The following TARS3 variants were observed in gnomAD, a reference collection of about 807,000 sequenced individuals.
TARS3 encodes the protein threonine--tRNA ligase 2, cytoplasmic.
A neutral mutation model predicts 103.5 loss-of-function variants in TARS3; 94 were observed. The observed-to-expected ratio is 0.91, with a 90% confidence interval of 0.77 to 1.08. The LOEUF (loss-of-function observed/expected upper bound fraction) is 1.08. TARS3 is among the 50% of genes least tolerant of loss of function. TARS3 has a pLI of 0.00. For synonymous variants in TARS3, 416 were observed against 355.4 expected (o/e 1.17, Z -1.92); for missense variants, 952 against 995.2 (o/e 0.96, Z 0.58).
rs202170110 is a variant in TARS3, at chr15:101,701,120, G to C, written c.1286C>G (p.Ala429Gly). 4.6e-5 allele frequency: 74 copies of C among 1,593,342 alleles called. No homozygotes were observed. Among genetic ancestry groups the C allele is most frequent in the Admixed American group, 2.9e-4 (16 of 54,622 alleles). The change falls in exon 10 of 19, where the codon GCC becomes GGC. Residue 429 changes from alanine to glycine, a missense_variant. By Grantham distance (60) the Ala-to-Gly change is moderately conservative (BLOSUM62 0). Around this residue, in one of 2 missense-constraint regions of TARS3, gnomAD observed 540 missense variants for 631.0 expected, o/e 0.86. Transcript: ENST00000335968. ...PGSCFFLPRGAFIYNTLTDFI... is the reference protein window; with the variant it reads ...PGSCFFLPRGGFIYNTLTDFI... ...ATCTGTAAGCGTATTATAAATGAAG[G>C]CTCCTCTGGGAAGGAAAAAACAGCT...
At chr15:101,681,593 G>C (rs1478026484) in intron 12 of TARS3, among the ~76,000 whole-genome samples, 2 of 152,204 alleles carry the variant, frequency 1.3e-5, no homozygotes, top group Non-Finnish European at 2.9e-5. Context: ...GGAAATCCAA[G>C]ATCAATGTGC....
rs577283051 is a variant in TARS3 at position 101,715,654 on chromosome 15, GC to G, written c.567-692del. ...TTGTATAGCTTGCATTTTCTGTCAT[GC>G]CTCAGATTGCCTTCCAAAGCAGTCT... On this transcript the variant is annotated intron_variant, in intron 3 of 18. Coordinates refer to ENST00000335968, the MANE Select transcript of TARS3 (RefSeq NM_152334.3). 2.2e-4 allele frequency among the ~76,000 whole-genome samples: 34 copies of G among 152,296 alleles called. No homozygotes were observed. In the East Asian group the frequency reaches 6.6e-3, roughly 29 times the overall value.
chr15:101,713,295 A>G (rs941078559), intron 4 of TARS3, among the ~76,000 whole-genome samples: 1 of 152,206 alleles, frequency 6.6e-6, no homozygotes, highest in African/African-American at 2.4e-5. Flanking sequence ...GACAAAGCAT[A>G]GCTTGAGAAA....
chr15:101,671,637 C>T (rs774386370), intron 14 of TARS3, 34 bp downstream of exon 14: 4 of 1,611,810 alleles, frequency 2.5e-6, no homozygotes, highest in African/African-American at 2.7e-5. Flanking sequence ...TTTTCTTTTA[C>T]ATTTTGCTGT....
At position 101,715,780 on chromosome 15, in the gene TARS3, C is replaced by T. The variant is rs149403894; in HGVS notation, c.567-817G>A. 5.3e-4 allele frequency among the ~76,000 whole-genome samples: 80 copies of T among 152,274 alleles called. No homozygotes were observed. The East Asian group carries it at 0.014, about 26-fold the overall frequency. On this transcript the variant is annotated intron_variant, in intron 3 of 18. Transcript: ENST00000335968. ...TATCACACAGACATCTGTACACAGG[C>T]ATCTTGCGACTTCTGTGACTGTTTT...
At chr15:101,713,640 G>A (rs1596326613) in intron 4 of TARS3, among the ~76,000 whole-genome samples, 2 of 152,302 alleles carry the variant, frequency 1.3e-5, no homozygotes, top group East Asian at 3.9e-4. Flanking sequence ...AACCTCCAAG[G>A]TTCTGGAATG....
chr15:101,696,730 A>G (rs548797220), intron 10 of TARS3, among the ~76,000 whole-genome samples: 73 of 152,334 alleles, frequency 4.8e-4, no homozygotes, highest in African/African-American at 1.7e-3. Flanking sequence ...GACATGCCTA[A>G]TTATACCCAC....
intron 3 of TARS3, among the ~76,000 whole-genome samples, chr15:101,719,865 C>T (rs184549054): frequency 1.1e-4 from 17 of 152,308 alleles, no homozygotes; most frequent in African/African-American, 3.1e-4. Flanking sequence ...GGTTAGCTTG[C>T]ATTAGAAGCC....
In TARS3 at chr15:101,654,520, AG is replaced by A; in HGVS notation, c.*61del. The A allele has an allele frequency of 6.4e-7, 1 of 1,573,416 alleles. No homozygotes were observed. The highest frequency in any genetic ancestry group is 1.7e-4 in the Middle Eastern group (1 of 5,898). On this transcript the variant is annotated 3_prime_UTR_variant, in exon 19 of 19. Coordinates refer to ENST00000335968, the MANE Select transcript of TARS3 (RefSeq NM_152334.3). ...AAGTCGTAGAAGTACTAACATGTTAAGAAAAATACATTTTTAAGGGTCAAAA... is the reference window on the plus strand; with the variant it reads ...AAGTCGTAGAAGTACTAACATGTTAAAAAAATACATTTTTAAGGGTCAAAA...
At chr15:101,690,911 T>G (rs912877672) in intron 10 of TARS3, among the ~76,000 whole-genome samples, 2 of 152,204 alleles carry the variant, frequency 1.3e-5, no homozygotes, top group Admixed American at 1.3e-4. Context: ...TCCTCACATT[T>G]CCTTCAGCAA....
Position 101,724,142 on chromosome 15 carries a change from C to T in TARS3, c.246G>A (p.Gln82=). Residue 82 remains glutamine, a synonymous_variant, in exon 1 of 19, where the codon CAG becomes CAA. Coordinates refer to ENST00000335968, the MANE Select transcript of TARS3 (RefSeq NM_152334.3). ...CTAGCTCCGCGCTCTCCAGCGTGGC[C>T]TGGCGGCTCCGCTCCTCGGCGAGGC... ...RLCLAEERSR[Q]ATLESAELEA... 6.9e-7 allele frequency: 1 copy of T among 1,449,720 alleles called. No homozygotes were observed. Among genetic ancestry groups the T allele is most frequent in the Non-Finnish European group, 9.1e-7 (1 of 1,101,572 alleles). The allele number at this position is 1,449,720 out of a possible 1,614,324, so 89.8% of individuals were successfully genotyped here. A position where few individuals can be genotyped will look rare whatever the true frequency, so the allele number is the denominator to read the frequency against.
intron 10 of TARS3, among the ~76,000 whole-genome samples, chr15:101,688,020 GT>G (rs1250715692): frequency 6.6e-6 from 1 of 152,064 alleles, no homozygotes; most frequent in Non-Finnish European, 1.5e-5. Context: ...AGGGTACTTT[GT>G]TATAGCAGCA....
intron 18 of TARS3, 52 bp from the exon 19 acceptor site, chr15:101,654,782 CAT>C: frequency 6.4e-7 from 1 of 1,556,482 alleles, no homozygotes; most frequent in Non-Finnish European, 8.8e-7. Flanking sequence ...ATTTACCAAA[CAT>C]TAAGTCAGCA....
At chr15:101,704,508 A>C (rs897123499) in intron 7 of TARS3, among the ~76,000 whole-genome samples, 1 of 151,962 alleles carries the variant, frequency 6.6e-6, no homozygotes, top group African/African-American at 2.4e-5. Context: ...ATAAAAAATT[A>C]GCTGGGCGTG....
intron 4 of TARS3, among the ~76,000 whole-genome samples, chr15:101,713,191 G>T (rs1899949516): frequency 6.6e-6 from 1 of 152,212 alleles, no homozygotes; most frequent in African/African-American, 2.4e-5. Flanking sequence ...TGTTTAAAAG[G>T]AGATGAACAG....
At chr15:101,667,007 G>A (rs1415885484) in intron 15 of TARS3, among the ~76,000 whole-genome samples, 1 of 152,194 alleles carries the variant, frequency 6.6e-6, no homozygotes, top group East Asian at 1.9e-4. Context: ...TCCATGGGCT[G>A]CAGAATGGAT....
intron 10 of TARS3, among the ~76,000 whole-genome samples, chr15:101,698,193 A>G (rs919957843): frequency 1.3e-5 from 2 of 152,058 alleles, no homozygotes; most frequent in African/African-American, 4.8e-5. Flanking sequence ...AAAGCCTGGC[A>G]TGGTGGCAGG....
rs572308530 is a variant in TARS3 at position 101,679,708 on chromosome 15, T to C, written c.1651-3971A>G. 4.6e-5 allele frequency among the ~76,000 whole-genome samples: 7 copies of C among 152,334 alleles called. No homozygotes were observed. In the South Asian group the frequency reaches 1.4e-3, roughly 32 times the overall value. On this transcript the variant is annotated intron_variant, in intron 12 of 18. Coordinates refer to ENST00000335968, the MANE Select transcript of TARS3 (RefSeq NM_152334.3). ...TGAGTGATTTTCAATTTCTTAAACC[T>C]GGACATTTTCGGTTTTATAGTAAGC...
chr15:101,680,398 T>C (rs571664262), intron 12 of TARS3, among the ~76,000 whole-genome samples: 1 of 152,326 alleles, frequency 6.6e-6, no homozygotes, highest in East Asian at 1.9e-4. Flanking sequence ...TTGGCATCTG[T>C]TGGTTGCCAA....
Sources: gnomAD v4.1 joint callset for allele counts (sites outside exome capture counted in the v4.1 genomes callset) on GRCh38, gnomAD v4.1.1 for gene constraint, gnomAD v4.1.1 regional missense constraint, MANE v1.5 for transcripts, NCBI Gene and HGNC (gene_info 2026-07-23, HGNC 2026-07-21) for gene names.